BABAM2: variants seen among roughly 807,000 people sequenced by gnomAD.
BABAM2 encodes the protein BRISC and BRCA1 A complex member 2.
BABAM2 carries 31 observed loss-of-function variants against 54.7 expected under a neutral mutation model. That is an observed-to-expected ratio of 0.57 (90% CI 0.43 to 0.77). BABAM2 has a LOEUF of 0.77. Among genes scored for constraint, BABAM2 ranks in the 30% least tolerant of loss-of-function variants. BABAM2 has a pLI of 0.00. For missense variants in BABAM2, 364 were observed against 455.8 expected, an observed-to-expected ratio of 0.80 and a Z score of 1.83; for synonymous variants, 167 against 162.9, an observed-to-expected ratio of 1.03 and a Z score of -0.19.
chr2:28,058,424 G>A (rs940974886), intron 6 of BABAM2, among the ~76,000 whole-genome samples: 1 of 151,996 alleles, frequency 6.6e-6, no homozygotes, highest in Non-Finnish European at 1.5e-5. Flanking sequence ...ATGGAGAGGA[G>A]GAAGGAGGAA....
chr2:27,946,131 C>A (rs1669281171), intron 3 of BABAM2, among the ~76,000 whole-genome samples: 1 of 152,102 alleles, frequency 6.6e-6, no homozygotes, highest in Admixed American at 6.6e-5. Context: ...GGTAGTTAGT[C>A]TTTCATCAGG....
At chr2:28,258,759 T>G (rs1481562703) in intron 10 of BABAM2, among the ~76,000 whole-genome samples, 1 of 151,702 alleles carries the variant, frequency 6.6e-6, no homozygotes, top group Non-Finnish European at 1.5e-5. Flanking sequence ...ACTGCAAGCA[T>G]GCACCGCCAT....
intron 10 of BABAM2, among the ~76,000 whole-genome samples, chr2:28,266,818 C>T (rs765109431): frequency 9.2e-5 from 14 of 152,172 alleles, no homozygotes; most frequent in Non-Finnish European, 1.6e-4. Flanking sequence ...GTTGTTAAAA[C>T]TTTTTATTTT....
intron 2 of BABAM2, among the ~76,000 whole-genome samples, chr2:27,905,940 A>G (rs950820636): frequency 6.6e-6 from 1 of 152,248 alleles, no homozygotes; most frequent in African/African-American, 2.4e-5. Context: ...GGGCATGAAG[A>G]TGCCAGCTGT....
chr2:28,093,146 A>G (rs931114710), intron 6 of BABAM2, among the ~76,000 whole-genome samples: 2 of 152,066 alleles, frequency 1.3e-5, no homozygotes, highest in African/African-American at 4.8e-5. Flanking sequence ...AAATTTGTAT[A>G]CCACTTTACT....
intron 10 of BABAM2, among the ~76,000 whole-genome samples, chr2:28,295,165 A>G (rs986499332): frequency 6.6e-6 from 1 of 152,224 alleles, no homozygotes; most frequent in Non-Finnish European, 1.5e-5. Context: ...AGCATATTAA[A>G]ATATTAATAC....
rs186891976 is a variant in BABAM2, at chr2:27,935,012, T to C, written c.205+5104T>C. Among the ~76,000 whole-genome samples, 71 of 152,362 alleles carry C rather than the reference T, an allele frequency of 4.7e-4. 1 individual carries two copies. The highest frequency in any genetic ancestry group is 4.2e-3 in the Admixed American group (64 of 15,294). On this transcript the variant is annotated intron_variant, in intron 3 of 11. Coordinates refer to ENST00000379624, the MANE Select transcript of BABAM2 (RefSeq NM_199191.3). ...CTAGCTAAGATCATTGATGAAGTGCTACACTTAGCAACAGATTTTTAGTGT... is the reference window on the plus strand; with the variant it reads ...CTAGCTAAGATCATTGATGAAGTGCCACACTTAGCAACAGATTTTTAGTGT...
At chr2:28,028,344 T>C (rs1199564977) in intron 5 of BABAM2, among the ~76,000 whole-genome samples, 2 of 152,128 alleles carry the variant, frequency 1.3e-5, no homozygotes, top group African/African-American at 2.4e-5. Flanking sequence ...CCATCACTTT[T>C]GCTGTATTCT....
At chr2:28,324,494 C>A (rs1442367901) in intron 11 of BABAM2, among the ~76,000 whole-genome samples, 1 of 152,006 alleles carries the variant, frequency 6.6e-6, no homozygotes, top group Non-Finnish European at 1.5e-5. Context: ...TTACTTTGGG[C>A]CAGGCATGGT....
At chr2:28,300,718 C>CCTCA (rs1688038161) in intron 11 of BABAM2, among the ~76,000 whole-genome samples, 1 of 152,014 alleles carries the variant, frequency 6.6e-6, no homozygotes, top group African/African-American at 2.4e-5. Context: ...GACCACAAGC[C>CCTCA]CGTGATTTCA....
chr2:28,194,452 T>A (rs1677281639), intron 7 of BABAM2, among the ~76,000 whole-genome samples: 1 of 152,166 alleles, frequency 6.6e-6, no homozygotes, highest in Non-Finnish European at 1.5e-5. Context: ...TTTGTTTACA[T>A]TGTTTTCTGC....
At chr2:28,294,493 C>G (rs916720275) in intron 10 of BABAM2, among the ~76,000 whole-genome samples, 28 of 152,168 alleles carry the variant, frequency 1.8e-4, no homozygotes, top group African/African-American at 6.5e-4. Context: ...AGCAAGTTAG[C>G]TGTTGGAAGT....
chr2:28,164,058 A>G (rs536221801), intron 7 of BABAM2, among the ~76,000 whole-genome samples: 6 of 152,338 alleles, frequency 3.9e-5, no homozygotes, highest in African/African-American at 1.4e-4. Flanking sequence ...GGCACAAGAA[A>G]ACAGACTCCT....
chr2:28,240,230 C>G (rs1411867538), intron 8 of BABAM2, among the ~76,000 whole-genome samples: 1 of 151,946 alleles, frequency 6.6e-6, no homozygotes, highest in Non-Finnish European at 1.5e-5. Flanking sequence ...AAGCATTCCT[C>G]CTGCCTCAGG....
chr2:28,160,170 T>C (rs1457623221), intron 7 of BABAM2, among the ~76,000 whole-genome samples: 1 of 152,120 alleles, frequency 6.6e-6, no homozygotes, highest in Non-Finnish European at 1.5e-5. Context: ...TTTGTAGAGT[T>C]GGGGCCTCAC....
chr2:28,207,343 TAAA>T (rs11342724), intron 7 of BABAM2, among the ~76,000 whole-genome samples: 6 of 142,830 alleles, frequency 4.2e-5, no homozygotes, highest in South Asian at 2.3e-4. Context: ...GTCTCTAGTT[TAAA>T]AAAAAAAAAA....
At chr2:28,289,532 G>A (rs1470261435) in intron 10 of BABAM2, among the ~76,000 whole-genome samples, 2 of 152,182 alleles carry the variant, frequency 1.3e-5, no homozygotes, top group Non-Finnish European at 1.5e-5. Context: ...GCTCATGCCT[G>A]TAATCCCAAC....
Position 28,025,422 on chromosome 2 carries a change from T to C in BABAM2, c.495+2T>C, listed in dbSNP as rs763234187. The stretch of plus-strand genomic sequence containing the variant: ...TATGCTGGGAAAAAAAACAACTGGG[T>C]AAGGATTTTTGAGAATGGAAAAAAA... On this transcript the variant is annotated splice_donor_variant, in intron 5 of 11. Transcript: ENST00000379624. LOFTEE classifies it high-confidence loss of function. 1 of 1,562,786 alleles carries C rather than the reference T, an allele frequency of 6.4e-7. No homozygotes were observed. The highest frequency in any genetic ancestry group is 8.6e-7 in the Non-Finnish European group (1 of 1,162,366).
At chr2:28,031,959 A>AT (rs1191801458) in intron 5 of BABAM2, among the ~76,000 whole-genome samples, 1 of 152,226 alleles carries the variant, frequency 6.6e-6, no homozygotes, top group Non-Finnish European at 1.5e-5. Context: ...GCATGAGGAC[A>AT]TTTTTGTATG....
Sources: gnomAD v4.1 joint callset for allele counts (sites outside exome capture counted in the v4.1 genomes callset) on GRCh38, gnomAD v4.1.1 for gene constraint, MANE v1.5 for transcripts, NCBI Gene and HGNC (gene_info 2026-07-23, HGNC 2026-07-21) for gene names.